The following PCGF3 variants were observed in gnomAD, a reference collection of about 807,000 sequenced individuals.
PCGF3 encodes polycomb group RING finger protein 3.
In PCGF3, 7 loss-of-function variants were observed where a neutral mutation model predicts 33.1. The observed-to-expected ratio is 0.21, with a 90% CI of 0.12 to 0.40. PCGF3 has a LOEUF of 0.40. PCGF3 is among the 10% of genes least tolerant of loss of function. The pLI, the probability that PCGF3 is intolerant of heterozygous loss-of-function variation, is 1.00. For missense variants in PCGF3, 211 were observed against 313.3 expected, an observed-to-expected ratio of 0.67 and a Z score of 2.46; for synonymous variants, 153 against 121.3, an observed-to-expected ratio of 1.26 and a Z score of -1.72.
At chr4:741,438 G>T (rs1744085443) in intron 6 of PCGF3, among the ~76,000 whole-genome samples, 1 of 152,112 alleles carries the variant, frequency 6.6e-6, no homozygotes, top group African/African-American at 2.4e-5. Flanking sequence ...ACGGAGTTTT[G>T]CTCTTGTTGC....
chr4:707,218 C>CA (rs79651917), intron 1 of PCGF3, among the ~76,000 whole-genome samples: 59,287 of 151,410 alleles, frequency 0.39, 12,027 homozygotes, highest in South Asian at 0.52. Flanking sequence ...TGGCAGGGCC[C>CA]GGGGGGGCTA....
At chr4:710,301 T>C (rs748331970) in intron 1 of PCGF3, among the ~76,000 whole-genome samples, 1 of 152,194 alleles carries the variant, frequency 6.6e-6, no homozygotes, top group African/African-American at 2.4e-5. Context: ...CCTTTCTCTA[T>C]AGGGCAGCTC....
At chr4:766,100 C>G in exon 11 of PCGF3, 4 of 1,611,892 alleles carry the variant, frequency 2.5e-6, no homozygotes, top group Non-Finnish European at 3.4e-6. Flanking sequence ...ACAGCGCCCA[C>G]AGACTGGGCC....
At chr4:760,211 C>G (rs181346915) in intron 8 of PCGF3, among the ~76,000 whole-genome samples, 114 of 152,298 alleles carry the variant, frequency 7.5e-4, no homozygotes, top group African/African-American at 2.6e-3. Context: ...TGAGGACTGC[C>G]CTTCACTGTT....
At chr4:761,654 G>A in intron 9 of PCGF3, 1 of 984,964 alleles carries the variant, frequency 1.0e-6, no homozygotes, top group African/African-American at 1.7e-5. Context: ...GAACTAGGGC[G>A]GGGATGATGA....
chr4:738,691 TAC>T (rs1335436598), intron 6 of PCGF3, among the ~76,000 whole-genome samples: 18 of 18,756 alleles, frequency 9.6e-4, no homozygotes, highest in Non-Finnish European at 9.1e-4. Context: ...CTACCAAAAA[TAC>T]AAAAAAAAAA....
In PCGF3 at chr4:720,610, G is replaced by A. The variant is rs556065200; in HGVS notation, c.-189-10020G>A. On this transcript the variant is annotated intron_variant, in intron 1 of 10. Transcript: ENST00000362003. The surrounding 1 kb of genome is among the most constrained non-coding windows in gnomAD (Gnocchi z 5.6). ...CGGGCAGTGACGTGCGTGTGGACCC[G>A]GGGTGGACGGGCGGTGACGTGCGTG... Among the ~76,000 whole-genome samples, 7 of 151,030 alleles carry A rather than the reference G, an allele frequency of 4.6e-5. No individual in the cohort carries two copies. The highest frequency in any genetic ancestry group is 3.9e-4 in the East Asian group (2 of 5,112).
chr4:749,721 G>A (rs1345190996), intron 8 of PCGF3, among the ~76,000 whole-genome samples: 6 of 151,996 alleles, frequency 3.9e-5, no homozygotes, highest in Admixed American at 2.0e-4. Context: ...TCCTGACCTC[G>A]TGATCCACCT....
intron 6 of PCGF3, among the ~76,000 whole-genome samples, chr4:740,399 C>T (rs753678982): frequency 9.2e-5 from 14 of 152,192 alleles, no homozygotes; most frequent in Admixed American, 5.9e-4. Context: ...AACCTGTCTT[C>T]GTAGAGGCAA....
chr4:706,226 G>C (rs557227120), intron 1 of PCGF3, among the ~76,000 whole-genome samples: 3 of 151,422 alleles, frequency 2.0e-5, no homozygotes, highest in African/African-American at 7.3e-5. Flanking sequence ...GACCCCGGGA[G>C]GGCTGGGACT....
intron 8 of PCGF3, chr4:757,643 A>AC: frequency 6.6e-6 from 1 of 152,326 alleles, no homozygotes; most frequent in Non-Finnish European, 1.5e-5. Flanking sequence ...TTTAGCTGGC[A>AC]CGTTACCTTA....
chr4:748,997 G>C (rs1160546793), intron 8 of PCGF3, among the ~76,000 whole-genome samples: 1 of 152,152 alleles, frequency 6.6e-6, no homozygotes, highest in Non-Finnish European at 1.5e-5. Context: ...TCGATGTAAA[G>C]CTGTGTGTGA....
chr4:762,045 G>T, intron 9 of PCGF3: 1 of 985,388 alleles, frequency 1.0e-6, no homozygotes, highest in Non-Finnish European at 1.2e-6. Context: ...GGCGGACTGT[G>T]GTGGGGGCGG....
At chr4:716,344 G>T (rs1324977574) in intron 1 of PCGF3, among the ~76,000 whole-genome samples, 1 of 145,438 alleles carries the variant, frequency 6.9e-6, no homozygotes, top group Non-Finnish European at 1.5e-5. Context: ...TGTGAGAACT[G>T]GGCGTCGGTG....
intron 1 of PCGF3, among the ~76,000 whole-genome samples, chr4:719,661 G>A (rs138522262): frequency 3.2e-4 from 49 of 152,372 alleles, no homozygotes; most frequent in African/African-American, 1.2e-3. Flanking sequence ...AGGTGCTGAG[G>A]GCTACAGTGG....
chr4:707,308 A>T (rs549594160), intron 1 of PCGF3, among the ~76,000 whole-genome samples: 63 of 152,132 alleles, frequency 4.1e-4, no homozygotes, highest in East Asian at 3.3e-3. Flanking sequence ...CCCAGAATAG[A>T]TCCCCCAGGA....
chr4:718,202 C>G (rs1425618848), intron 1 of PCGF3, among the ~76,000 whole-genome samples: 1 of 152,070 alleles, frequency 6.6e-6, no homozygotes, highest in African/African-American at 2.4e-5. Flanking sequence ...GATGGGAGTT[C>G]AAAGCAGGGT....
chr4:751,521 C>T (rs956540394), intron 8 of PCGF3, among the ~76,000 whole-genome samples: 1 of 152,142 alleles, frequency 6.6e-6, no homozygotes, highest in African/African-American at 2.4e-5. Flanking sequence ...TGTTGTCCCC[C>T]TCACACCAGA....
At chr4:738,730 G>T (rs544581665) in intron 6 of PCGF3, among the ~76,000 whole-genome samples, 1 of 151,958 alleles carries the variant, frequency 6.6e-6, no homozygotes, top group South Asian at 2.1e-4. Flanking sequence ...GTGGTGTCAG[G>T]TGCCTGTAAT....
Sources: allele counts gnomAD v4.1 joint callset (sites outside exome capture counted in the v4.1 genomes callset), GRCh38; gene constraint gnomAD v4.1.1; non-coding constraint Gnocchi (gnomAD v3.1); transcripts MANE v1.5; gene names NCBI Gene and HGNC (gene_info 2026-07-23, HGNC 2026-07-21).